PML: variants seen among roughly 807,000 people sequenced by gnomAD.
PML encodes the protein PML nuclear body scaffold.
In PML, 28 loss-of-function variants were observed where a neutral mutation model predicts 65.2. The ratio of observed to expected loss-of-function variants is 0.43; its 90% CI spans 0.32 to 0.59. The LOEUF is 0.59. PML is among the 20% of genes least tolerant of loss of function. PML has a pLI of 0.08. For missense variants in PML, 1,021 were observed against 1,203.4 expected (o/e 0.85, Z 2.24); for synonymous variants, 500 against 508.8 (o/e 0.98, Z 0.23).
intron 2 of PML, among the ~76,000 whole-genome samples, chr15:74,006,486 C>G (rs1205568893): frequency 1.3e-5 from 2 of 151,790 alleles, no homozygotes; most frequent in African/African-American, 4.8e-5. Context: ...GTGCATATAC[C>G]TGGGAGTATC....
rs1186917770 is a variant in PML at position 74,035,542 on chromosome 15, G to C, written c.1710+1012G>C. On this transcript the variant is annotated intron_variant, in intron 7 of 8. Coordinates refer to ENST00000268058, the MANE Select transcript of PML (RefSeq NM_033238.3). This position sits in a 1 kb window ranked among gnomAD's most constrained non-coding sequence, Gnocchi z 4.1. Reference sequence around the variant, plus strand: ...TGGTCTCCCCATGTGGTCCAAGCCAGCACTCCTGCCATCACAGGGCCCCTC... The same window carrying C: ...TGGTCTCCCCATGTGGTCCAAGCCACCACTCCTGCCATCACAGGGCCCCTC... 1.9e-6 allele frequency: 3 copies of C among 1,610,400 alleles called. No individual in the cohort carries two copies. Among genetic ancestry groups the C allele is most frequent in the Admixed American group, 3.3e-5 (2 of 59,970 alleles).
chr15:74,036,513 C>G, intron 7 of PML: 1 of 1,091,344 alleles, frequency 9.2e-7, no homozygotes, highest in Non-Finnish European at 1.2e-6. Context: ...ACCATGTCCC[C>G]TCTTCCTCCC....
At chr15:74,010,650 T>G (rs994445132) in intron 2 of PML, among the ~76,000 whole-genome samples, 3 of 152,180 alleles carry the variant, frequency 2.0e-5, no homozygotes, top group Admixed American at 6.5e-5. Context: ...AGCATTTATT[T>G]CATGACTGGT....
At position 74,035,806 on chromosome 15, in the gene PML, C is replaced by T. The variant is rs1451615247; in HGVS notation, c.1710+1276C>T. ...GCCCAGACTCTTGGAGCAGGTGTTC[C>T]CCCTGGGGACTCTGTCAGAGGCTCC... is the stretch of plus-strand genomic sequence containing the variant. On this transcript the variant is annotated intron_variant, in intron 7 of 8. Coordinates refer to ENST00000268058, the MANE Select transcript of PML (RefSeq NM_033238.3). This position sits in a 1 kb window ranked among gnomAD's most constrained non-coding sequence, Gnocchi z 4.1. 3 of 1,614,010 alleles carry T rather than the reference C, an allele frequency of 1.9e-6. No homozygotes were observed. Among genetic ancestry groups the T allele is most frequent in the South Asian group, 1.1e-5 (1 of 91,078 alleles).
Position 74,035,915 on chromosome 15 carries a change from C to T in PML, c.1710+1385C>T. 6.2e-7 allele frequency: 1 copy of T among 1,613,956 alleles called. No homozygotes were observed. The highest frequency in any genetic ancestry group is 1.6e-4 in the Middle Eastern group (1 of 6,062). ...CCTGTGCCCCAGAAAGGCCCCCCAT[C>T]AGCCCAGTCCCAGGCGCCCGTCAAG... On this transcript the variant is annotated intron_variant, in intron 7 of 8. Transcript: ENST00000268058. The surrounding 1 kb of genome is among the most constrained non-coding windows in gnomAD (Gnocchi z 4.1).
At chr15:74,038,618 A>G (rs974762447) in intron 7 of PML, among the ~76,000 whole-genome samples, 1 of 152,066 alleles carries the variant, frequency 6.6e-6, no homozygotes, top group Non-Finnish European at 1.5e-5. Context: ...GTGCCCCCAG[A>G]GTACACCCAG....
At position 74,042,660 on chromosome 15, in the gene PML, G is replaced by A. The variant is rs2071720174; in HGVS notation, c.1711-329G>A. 2 of 985,364 alleles carry A rather than the reference G, an allele frequency of 2.0e-6. No homozygotes were observed. Among genetic ancestry groups the A allele is most frequent in the South Asian group, 9.4e-5 (2 of 21,280 alleles). The allele number at this position is 985,364 out of a possible 1,614,324, so 61.0% of individuals were successfully genotyped here. ...ACACTTGTGTCAACGCAGGTTCACAGCTCACACTTAACTGTGCATGCACAC... is the reference window on the plus strand; with the variant it reads ...ACACTTGTGTCAACGCAGGTTCACAACTCACACTTAACTGTGCATGCACAC... On this transcript the variant is annotated intron_variant, in intron 7 of 8. Coordinates refer to ENST00000268058, the MANE Select transcript of PML (RefSeq NM_033238.3). This position sits in a 1 kb window ranked among gnomAD's most constrained non-coding sequence, Gnocchi z 5.3.
At chr15:74,022,177 G>A (rs1251278335) in intron 2 of PML, among the ~76,000 whole-genome samples, 3 of 152,192 alleles carry the variant, frequency 2.0e-5, no homozygotes, top group African/African-American at 7.2e-5. Flanking sequence ...GGCAGGTCTT[G>A]AACTCCCGAC....
chr15:74,044,149 G>T, intron 8 of PML, 72 bp from the exon 9 acceptor site: 1 of 1,498,392 alleles, frequency 6.7e-7, no homozygotes. Flanking sequence ...AGCAGCCCTA[G>T]AGGACCCCCT....
Position 74,037,102 on chromosome 15 carries a change from G to A in PML, c.1710+2572G>A. ...GGAGAAAGGCCTGGGAAAACTATGAGTGGTTGCCTGTGACTGCTAAGGGCT... is the reference window on the plus strand; with the variant it reads ...GGAGAAAGGCCTGGGAAAACTATGAATGGTTGCCTGTGACTGCTAAGGGCT... On this transcript the variant is annotated intron_variant, in intron 7 of 8. Transcript: ENST00000268058. This position sits in a 1 kb window ranked among gnomAD's most constrained non-coding sequence, Gnocchi z 4.2. 1.0e-6 allele frequency: 1 copy of A among 985,438 alleles called. No homozygotes were observed. The highest frequency in any genetic ancestry group is 1.2e-6 in the Non-Finnish European group (1 of 829,940). 61.0% of individuals were successfully genotyped at this position (985,438 alleles called of 1,614,324 possible).
rs770162831 is a variant in PML at position 74,043,051 on chromosome 15, C to G, written c.1773C>G (p.Ser591Arg). The G allele has an allele frequency of 1.2e-6, 2 of 1,613,564 alleles. No homozygotes were observed. The highest frequency in any genetic ancestry group is 2.2e-5 in the South Asian group (2 of 91,012). The change falls in exon 8 of 9, where the codon AGC becomes AGG. Residue 591 changes from serine to arginine, a missense_variant. Coordinates refer to ENST00000268058, the MANE Select transcript of PML (RefSeq NM_033238.3). The surrounding 1 kb of genome is among the most constrained non-coding windows in gnomAD (Gnocchi z 4.3). ...GTGACCTCCAGCTGGAAGGCCCCAG[C>G]ACCCTCAGGGTCCTGGACGAGAACC... ...ESSDLQLEGP[S>R]TLRVLDENLA...
At chr15:74,007,183 C>T (rs1237923190) in intron 2 of PML, among the ~76,000 whole-genome samples, 1 of 152,126 alleles carries the variant, frequency 6.6e-6, no homozygotes, top group Non-Finnish European at 1.5e-5. Flanking sequence ...TGTTTTTTGT[C>T]ATAAGAGCAA....
intron 2 of PML, 91 bp from the exon 3 acceptor site, chr15:74,022,737 T>C: frequency 9.9e-7 from 1 of 1,009,574 alleles, no homozygotes; most frequent in Non-Finnish European, 1.5e-6. Flanking sequence ...ATTCAAAGTC[T>C]GGTATTTTTG....
At position 73,998,196 on chromosome 15, in the gene PML, T is replaced by C; in HGVS notation, c.322T>C (p.Phe108Leu). The C allele has an allele frequency of 1.9e-6, 3 of 1,614,200 alleles. No homozygotes were observed. The highest frequency in any genetic ancestry group is 2.5e-6 in the Non-Finnish European group (3 of 1,180,016). The stretch of plus-strand genomic sequence containing the variant: ...AGACACACCCGCCCTGGATAACGTC[T>C]TTTTCGAGAGTCTGCAGCGGCGCCT... ...GADTPALDNV[F>L]FESLQRRLSV... Residue 108 changes from phenylalanine to leucine, a missense_variant, in exon 2 of 9, where the codon TTT (phenylalanine) becomes CTT (leucine). Transcript: ENST00000268058.
chr15:73,997,246 G>A (rs527998135), intron 1 of PML, among the ~76,000 whole-genome samples: 5 of 152,268 alleles, frequency 3.3e-5, no homozygotes, highest in South Asian at 4.1e-4. Flanking sequence ...GGAGAGTTGC[G>A]GTTTTCCTTT....
At position 74,037,410 on chromosome 15, in the gene PML, ACTC is replaced by A. The variant is rs907305711; in HGVS notation, c.1710+2890_1710+2892del. 8.1e-6 allele frequency: 8 copies of A among 983,708 alleles called. No homozygotes were observed. Among genetic ancestry groups the A allele is most frequent in the African/African-American group, 7.1e-5 (4 of 56,712 alleles). 60.9% of individuals were successfully genotyped at this position (983,708 alleles called of 1,614,324 possible). ...CAGCCCTTGACCCCCTGGGAGCCTC[ACTC>A]CTCCTCCTCATCTCTCTTGCATCTT... On this transcript the variant is annotated intron_variant, in intron 7 of 8. Transcript: ENST00000268058. This position sits in a 1 kb window ranked among gnomAD's most constrained non-coding sequence, Gnocchi z 4.2.
intron 5 of PML, 150 bp downstream of exon 5, chr15:74,032,865 G>A (rs2071384464): frequency 1.1e-6 from 1 of 904,596 alleles, no homozygotes; most frequent in Admixed American, 2.0e-5. Context: ...GCTCTCCCCT[G>A]TTCTTGGCTG....
chr15:74,003,870 T>G (rs1007299018), intron 2 of PML, among the ~76,000 whole-genome samples: 5 of 152,206 alleles, frequency 3.3e-5, no homozygotes, highest in Non-Finnish European at 7.3e-5. Flanking sequence ...ATTCCAGAGT[T>G]TACTTTCTGA....
rs1374811040 is a variant in PML at position 74,037,500 on chromosome 15, ACTC to A, written c.1710+2972_1710+2974del. ...AATGAGGTCTTTCTCATCTCAGAAAACTCCACCCACTTCTCTCTCCAGCTGTCG... is the reference window on the plus strand; with the variant it reads ...AATGAGGTCTTTCTCATCTCAGAAAACACCCACTTCTCTCTCCAGCTGTCG... On this transcript the variant is annotated intron_variant, in intron 7 of 8. Transcript: ENST00000268058. The surrounding 1 kb of genome is among the most constrained non-coding windows in gnomAD (Gnocchi z 4.2). 3.1e-6 allele frequency: 3 copies of A among 983,358 alleles called. No homozygotes were observed. Among genetic ancestry groups the A allele is most frequent in the Non-Finnish European group, 3.6e-6 (3 of 829,424 alleles). The allele number at this position is 983,358 out of a possible 1,614,324, so 60.9% of individuals were successfully genotyped here. A position where few individuals can be genotyped will look rare whatever the true frequency, so the allele number is the denominator to read the frequency against.
Sources: allele counts gnomAD v4.1 joint callset (sites outside exome capture counted in the v4.1 genomes callset), GRCh38; gene constraint gnomAD v4.1.1; non-coding constraint Gnocchi (gnomAD v3.1); transcripts MANE v1.5; gene names NCBI Gene and HGNC (gene_info 2026-07-23, HGNC 2026-07-21).